The following PTPRG variants were observed in gnomAD, a reference collection of about 807,000 sequenced individuals.
PTPRG encodes the protein protein tyrosine phosphatase receptor type G.
In PTPRG, 102 loss-of-function variants were observed where a neutral mutation model predicts 165.3. The ratio of observed to expected loss-of-function variants is 0.62; its 90% CI spans 0.53 to 0.73. PTPRG has a LOEUF of 0.73. Ranked by LOEUF, PTPRG falls within the 30% of genes least tolerant of loss-of-function variation. The pLI is 0.00. For missense variants in PTPRG, 1,866 were observed against 1,861.4 expected (o/e 1.00, Z -0.05); for synonymous variants, 675 against 669.5 (o/e 1.01, Z -0.13).
At chr3:62,036,688 A>G (rs576150086) in intron 4 of PTPRG, among the ~76,000 whole-genome samples, 5 of 152,226 alleles carry the variant, frequency 3.3e-5, no homozygotes, top group African/African-American at 1.2e-4. Context: ...AAATGTCCCT[A>G]GTGCAATTTT....
At chr3:62,189,697 C>T (rs1255964012) in intron 8 of PTPRG, among the ~76,000 whole-genome samples, 1 of 152,184 alleles carries the variant, frequency 6.6e-6, no homozygotes, top group African/African-American at 2.4e-5. Flanking sequence ...CAGGCCCCCT[C>T]CTCCACACTT....
In PTPRG at chr3:62,295,748, G is replaced by GA. The variant is rs1703040310; in HGVS notation, c.*2441_*2442insA. 6.6e-6 allele frequency: 1 copy of GA among 152,086 alleles called. No homozygotes were observed. The highest frequency in any genetic ancestry group is 1.5e-5 in the Non-Finnish European group (1 of 68,006). 9.4% of individuals were successfully genotyped at this position (152,086 alleles called of 1,614,324 possible). ...ATTGCTACTTGCCCATCTTGCCAAA[G>GA]TAGTCCAAACACACTTCAATGAGGA... is the stretch of plus-strand genomic sequence containing the variant. On this transcript the variant is annotated 3_prime_UTR_variant, in exon 30 of 30. Transcript: ENST00000474889.
intron 5 of PTPRG, among the ~76,000 whole-genome samples, chr3:62,087,210 G>A (rs1701782294): frequency 6.6e-6 from 1 of 152,158 alleles, no homozygotes; most frequent in Non-Finnish European, 1.5e-5. Context: ...TTAAGTGATT[G>A]ACCGTGGTCC....
At chr3:62,099,280 A>G (rs1702210867) in intron 5 of PTPRG, among the ~76,000 whole-genome samples, 1 of 152,234 alleles carries the variant, frequency 6.6e-6, no homozygotes, top group Non-Finnish European at 1.5e-5. Flanking sequence ...GGTGTAAGCA[A>G]GCCCTTACTG....
At chr3:62,135,546 A>G (rs1703676722) in intron 6 of PTPRG, among the ~76,000 whole-genome samples, 1 of 152,208 alleles carries the variant, frequency 6.6e-6, no homozygotes, top group Non-Finnish European at 1.5e-5. Context: ...TTTTTAAACA[A>G]GAAGCATCTT....
rs74933370 is a variant in PTPRG at position 62,141,158 on chromosome 3, G to A, written c.682+8490G>A. ...AAAAATCTTGACAGTGTCAAGTGTTGGCAAGGATATGAATGCAGGAACTCT... is the reference window on the plus strand; with the variant it reads ...AAAAATCTTGACAGTGTCAAGTGTTAGCAAGGATATGAATGCAGGAACTCT... On this transcript the variant is annotated intron_variant, in intron 6 of 29. Transcript: ENST00000474889. Among the ~76,000 whole-genome samples the A allele has an allele frequency of 1.9e-3, 294 of 152,178 alleles. 10 individuals carry two copies. In the East Asian group the frequency reaches 0.048, roughly 25 times the overall value.
chr3:61,969,042 A>G (rs1185048884), intron 2 of PTPRG, among the ~76,000 whole-genome samples: 2 of 152,228 alleles, frequency 1.3e-5, no homozygotes, highest in African/African-American at 4.8e-5. Context: ...CTCCTACTCC[A>G]TGTGAGTTAA....
At chr3:61,724,282 T>C (rs1311058713) in intron 1 of PTPRG, among the ~76,000 whole-genome samples, 1 of 151,834 alleles carries the variant, frequency 6.6e-6, no homozygotes, top group Non-Finnish European at 1.5e-5. Flanking sequence ...GTGACTTTCA[T>C]AGTGCCCCTG....
intron 1 of PTPRG, among the ~76,000 whole-genome samples, chr3:61,672,702 G>A (rs1330088420): frequency 6.6e-6 from 1 of 150,460 alleles, no homozygotes; most frequent in Non-Finnish European, 1.5e-5. Context: ...ATCAGAGGGA[G>A]ACCGTGGAAA....
intron 5 of PTPRG, among the ~76,000 whole-genome samples, chr3:62,091,520 G>A (rs1252717298): frequency 6.6e-6 from 1 of 152,102 alleles, no homozygotes; most frequent in African/African-American, 2.4e-5. Flanking sequence ...AACGTAAAAG[G>A]GCCCTATAAG....
chr3:61,719,218 G>A (rs1015172331), intron 1 of PTPRG, among the ~76,000 whole-genome samples: 1 of 152,194 alleles, frequency 6.6e-6, no homozygotes, highest in Admixed American at 6.5e-5. Context: ...TAGAAATTTG[G>A]GAGAAGGAAT....
intron 2 of PTPRG, among the ~76,000 whole-genome samples, chr3:61,962,392 G>A (rs1400752247): frequency 6.6e-6 from 1 of 152,154 alleles, no homozygotes; most frequent in Non-Finnish European, 1.5e-5. Context: ...GTAGTTGCAT[G>A]GCTTGAGGGA....
chr3:62,046,166 A>T (rs1407498342), intron 4 of PTPRG, among the ~76,000 whole-genome samples: 1 of 152,166 alleles, frequency 6.6e-6, no homozygotes, highest in African/African-American at 2.4e-5. Flanking sequence ...ACAGAAGGCC[A>T]GTTATAACCT....
chr3:62,278,811 A>G (rs1013013022), intron 26 of PTPRG, among the ~76,000 whole-genome samples: 2 of 152,048 alleles, frequency 1.3e-5, no homozygotes, highest in Non-Finnish European at 2.9e-5. Flanking sequence ...AATAGGGTCT[A>G]TTCTGTTTGG....
chr3:61,709,240 A>T (rs897731564), intron 1 of PTPRG, among the ~76,000 whole-genome samples: 1 of 151,424 alleles, frequency 6.6e-6, no homozygotes, highest in Non-Finnish European at 1.5e-5. Flanking sequence ...CTGACCCAAA[A>T]CTCTTGGCCA....
At chr3:61,735,758 A>T (rs1005437615) in intron 1 of PTPRG, among the ~76,000 whole-genome samples, 2 of 152,206 alleles carry the variant, frequency 1.3e-5, no homozygotes, top group African/African-American at 4.8e-5. Context: ...AGTCTTTCTC[A>T]TTGTGCAGAG....
intron 2 of PTPRG, among the ~76,000 whole-genome samples, chr3:61,897,534 G>C (rs565157177): frequency 6.6e-6 from 1 of 152,166 alleles, no homozygotes; most frequent in South Asian, 2.1e-4. Context: ...CTTCTCTCTC[G>C]ATTGTTCTGT....
intron 2 of PTPRG, among the ~76,000 whole-genome samples, chr3:61,883,160 A>G (rs982965550): frequency 6.6e-6 from 1 of 152,176 alleles, no homozygotes; most frequent in African/African-American, 2.4e-5. Context: ...TTTATCTTTA[A>G]TTATCATTGT....
chr3:61,889,037 C>T (rs945215249), intron 2 of PTPRG, among the ~76,000 whole-genome samples: 2 of 152,218 alleles, frequency 1.3e-5, no homozygotes, highest in Non-Finnish European at 2.9e-5. Context: ...TATAAAATTT[C>T]TCAACTGTAA....
Sources: allele counts gnomAD v4.1 joint callset (sites outside exome capture counted in the v4.1 genomes callset), GRCh38; gene constraint gnomAD v4.1.1; transcripts MANE v1.5; gene names NCBI Gene and HGNC (gene_info 2026-07-23, HGNC 2026-07-21).